EP400: variants seen among roughly 807,000 people sequenced by gnomAD.
EP400 encodes E1A-binding protein p400.
EP400 carries 105 observed loss-of-function variants against 354.1 expected under a neutral mutation model. That is an observed-to-expected ratio of 0.30 (90% CI 0.25 to 0.35). EP400 has a LOEUF of 0.35. Ranked by LOEUF, EP400 falls within the 10% of genes least tolerant of loss-of-function variation. The probability of loss-of-function intolerance (pLI) is 1.00; values close to 1 mark genes in which losing one functional copy is unlikely to be tolerated. For synonymous variants in EP400, 1,646 were observed against 1,716.9 expected, an observed-to-expected ratio of 0.96 and a Z score of 1.02; for missense variants, 3,280 against 4,121.0, an observed-to-expected ratio of 0.80 and a Z score of 5.59.
Position 131,950,015 on chromosome 12 carries a change from G to C in EP400, c.-57G>C, listed in dbSNP as rs960477786. 1.3e-5 allele frequency: 2 copies of C among 151,860 alleles called. No individual in the cohort carries two copies. The highest frequency in any genetic ancestry group is 6.6e-5 in the Admixed American group (1 of 15,238). 9.4% of individuals were successfully genotyped at this position (151,860 alleles called of 1,614,324 possible). A position where few individuals can be genotyped will look rare whatever the true frequency, so the allele number is the denominator to read the frequency against. ...TCCTCCCGCCCTCCTGACGCGGCCG[G>C]AGCGCAGCCCTGAGGCCCAGGGTAA... On this transcript the variant is annotated 5_prime_UTR_variant, in exon 1 of 53. Transcript: ENST00000389561.
chr12:132,073,849 G>A (rs568843800), intron 51 of EP400, among the ~76,000 whole-genome samples: 22 of 148,840 alleles, frequency 1.5e-4, no homozygotes, highest in Admixed American at 1.3e-3. Flanking sequence ...GAAAATGCCT[G>A]TGTGTCACTC....
At chr12:132,044,040 TG>T in intron 34 of EP400, 136 bp from the exon 35 acceptor site, 1 of 1,253,424 alleles carries the variant, frequency 8.0e-7, no homozygotes, top group Non-Finnish European at 1.1e-6. Flanking sequence ...CTGCTGCTTG[TG>T]GGGGTGATGC....
At chr12:131,972,725 C>G (rs924058217) in intron 2 of EP400, among the ~76,000 whole-genome samples, 1 of 98,102 alleles carries the variant, frequency 1.0e-5, no homozygotes, top group Non-Finnish European at 1.8e-5. Context: ...CTAACACAAC[C>G]TTTTTTTTTT....
chr12:132,074,703 G>A (rs1178721089), intron 51 of EP400, among the ~76,000 whole-genome samples: 6 of 152,096 alleles, frequency 3.9e-5, no homozygotes, highest in Admixed American at 1.3e-4. Context: ...CATGTCTTTC[G>A]CTCTGTCTCC....
chr12:132,009,643 T>C (rs917413192), intron 15 of EP400, among the ~76,000 whole-genome samples: 4 of 152,150 alleles, frequency 2.6e-5, no homozygotes, highest in African/African-American at 7.2e-5. Flanking sequence ...TGGGAGCTGA[T>C]GTGGCTTTGC....
intron 39 of EP400, among the ~76,000 whole-genome samples, chr12:132,046,286 A>G (rs1000300259): frequency 2.6e-5 from 4 of 152,232 alleles, no homozygotes; most frequent in Non-Finnish European, 4.4e-5. Flanking sequence ...ATGAATGAAA[A>G]GACCTCTCGC....
rs752737644 is a variant in EP400 at position 132,028,174 on chromosome 12, G to A, written c.5267G>A (p.Arg1756His). 73 of 1,614,032 alleles carry A rather than the reference G, an allele frequency of 4.5e-5. No individual in the cohort carries two copies. Among genetic ancestry groups the A allele is most frequent in the Middle Eastern group, 1.6e-4 (1 of 6,084 alleles). Residue 1756 changes from arginine (R) to histidine (H), a missense_variant, in exon 27 of 53, where the codon CGT becomes CAT. Around this residue, in one of 20 missense-constraint regions of EP400, gnomAD observed 459 missense variants for 496.9 expected, o/e 0.92. Transcript: ENST00000389561. The stretch of plus-strand genomic sequence containing the variant: ...CAGTGGCGTGGGTCCCTGGATGGCC[G>A]TCGTGGGAAGGAGGCCGGGCCAGCG... ...RVQWRGSLDG[R>H]RGKEAGPAHS...
At position 132,044,552 on chromosome 12, in the gene EP400, A is replaced by G; in HGVS notation, c.6586-119A>G. 3.8e-6 allele frequency: 5 copies of G among 1,301,094 alleles called. No homozygotes were observed. In the South Asian group the frequency reaches 6.6e-5, roughly 17 times the overall value. The allele number at this position is 1,301,094 out of a possible 1,614,324, so 80.6% of individuals were successfully genotyped here. A position where few individuals can be genotyped will look rare whatever the true frequency, so the allele number is the denominator to read the frequency against. On this transcript the variant is annotated intron_variant, in intron 35 of 52. Coordinates refer to ENST00000389561, the MANE Select transcript of EP400 (RefSeq NM_015409.5). ...ATTAAAACATTTATAAGTCTTATAA[A>G]TAGTCATGTTGATCAGAACTTATTT...
chr12:132,072,011 A>T (rs1381177053), intron 51 of EP400, among the ~76,000 whole-genome samples: 1 of 152,084 alleles, frequency 6.6e-6, no homozygotes, highest in Non-Finnish European at 1.5e-5. Flanking sequence ...TTCTGGGGTG[A>T]CTCACTGGGT....
In EP400 at chr12:132,050,337, T is replaced by C. The variant is rs560081794; in HGVS notation, c.7215T>C (p.Arg2405=). The C allele has an allele frequency of 3.1e-6, 5 of 1,613,862 alleles. No homozygotes were observed. In the African/African-American group the frequency reaches 6.7e-5, roughly 22 times the overall value. The part of the protein sequence containing the change: ...PREEGKSKNN[R]PLRTSQIYAQ... ...TTTCATTGCAGAGTAAAAACAACCG[T>C]CCTCTCCGTACGAGCCAGATCTATG... The change falls in exon 40 of 53, where the codon CGT becomes CGC. Residue 2405 remains arginine (R), a synonymous_variant. Coordinates refer to ENST00000389561, the MANE Select transcript of EP400 (RefSeq NM_015409.5). This position sits in a 1 kb window ranked among gnomAD's most constrained non-coding sequence, Gnocchi z 4.8.
In EP400 at chr12:132,050,749, T is replaced by C; in HGVS notation, c.7394+94T>C. ...GTGAGTTCAGCAAATCGTTGTGCAC[T>C]TAGCGTGTTCAGGCATCAGCTGGAC... On this transcript the variant is annotated intron_variant, in intron 41 of 52. Transcript: ENST00000389561. The surrounding 1 kb of genome is among the most constrained non-coding windows in gnomAD (Gnocchi z 4.8). 6.7e-7 allele frequency: 1 copy of C among 1,495,182 alleles called. No individual in the cohort carries two copies. The highest frequency in any genetic ancestry group is 9.3e-7 in the Non-Finnish European group (1 of 1,075,990). The allele number at this position is 1,495,182 out of a possible 1,614,324, so 92.6% of individuals were successfully genotyped here.
intron 5 of EP400, among the ~76,000 whole-genome samples, chr12:131,985,732 C>T (rs755893054): frequency 4.6e-5 from 7 of 152,140 alleles, no homozygotes; most frequent in Non-Finnish European, 8.8e-5. Context: ...TTCAGCCTCC[C>T]GAGTAGCTGG....
intron 39 of EP400, among the ~76,000 whole-genome samples, chr12:132,048,637 C>T (rs1397259617): frequency 6.6e-6 from 1 of 151,872 alleles, no homozygotes; most frequent in Non-Finnish European, 1.5e-5. Context: ...ATTCTCCTGC[C>T]TCAGCCTCCC....
chr12:131,991,576 CTTT>C (rs878864752), intron 10 of EP400, 120 bp downstream of exon 10: 3,365 of 585,652 alleles, frequency 5.7e-3, no homozygotes, highest in East Asian at 7.0e-3. Flanking sequence ...CCTTTCTTTT[CTTT>C]TTTTTTTTTT....
chr12:132,020,505 G>A (rs1421704806), intron 22 of EP400, among the ~76,000 whole-genome samples: 1 of 152,226 alleles, frequency 6.6e-6, no homozygotes, highest in Non-Finnish European at 1.5e-5. Flanking sequence ...AGAGGTGCGT[G>A]CGTGCAGTCG....
chr12:131,960,763 G>A lies in EP400; in HGVS notation c.144G>A (p.Pro48=), dbSNP rs765821503. The change falls in exon 2 of 53, where the codon CCG becomes CCA. Residue 48 remains proline, a synonymous_variant. Transcript: ENST00000389561. The part of the protein sequence containing the change: ...PAAPFAPSAS[P]SAPQSPSYQI... The stretch of plus-strand genomic sequence containing the variant: ...CTCCCTTCGCTCCCTCAGCAAGCCC[G>A]TCGGCACCCCAGTCTCCCAGTTATC... The A allele has an allele frequency of 8.7e-6, 11 of 1,268,086 alleles. No homozygotes were observed. The highest frequency in any genetic ancestry group is 5.5e-5 in the African/African-American group (3 of 55,038). The allele number at this position is 1,268,086 out of a possible 1,614,324, so 78.6% of individuals were successfully genotyped here.
chr12:131,991,444 G>C lies in EP400; in HGVS notation c.2667G>C (p.Gln889His), dbSNP rs371805849. The C allele has an allele frequency of 2.5e-6, 4 of 1,613,976 alleles. No homozygotes were observed. The highest frequency in any genetic ancestry group is 3.4e-6 in the Non-Finnish European group (4 of 1,179,998). The part of the protein sequence containing the change: ...ELRPKGFDAL[Q>H]ESSLDSGMSG... ...GACCTAAAGGATTTGACGCATTACA[G>C]GAAAGTTCTCTGGTAAGTTTGGGGT... The change falls in exon 10 of 53, where the codon CAG becomes CAC. Residue 889 changes from glutamine to histidine, a missense_variant. Around this residue, in one of 20 missense-constraint regions of EP400, gnomAD observed 800 missense variants for 840.0 expected, o/e 0.95. Transcript: ENST00000389561.
At chr12:131,985,900 G>A (rs921188106) in intron 5 of EP400, among the ~76,000 whole-genome samples, 4 of 152,214 alleles carry the variant, frequency 2.6e-5, no homozygotes, top group Admixed American at 2.0e-4. Flanking sequence ...GAGCCACTGC[G>A]CCTGGCCTGA....
At chr12:131,991,720 A>G (rs1359125937) in intron 10 of EP400, among the ~76,000 whole-genome samples, 1 of 151,588 alleles carries the variant, frequency 6.6e-6, no homozygotes, top group African/African-American at 2.4e-5. Flanking sequence ...AGCTAGGACT[A>G]TAGGCGCACG....
Sources: allele counts gnomAD v4.1 joint callset (sites outside exome capture counted in the v4.1 genomes callset), GRCh38; gene constraint gnomAD v4.1.1; regional missense constraint gnomAD v4.1.1; non-coding constraint Gnocchi (gnomAD v3.1); transcripts MANE v1.5; gene names NCBI Gene and HGNC (gene_info 2026-07-23, HGNC 2026-07-21).